Variants in PEX5L observed in about 807,000 individuals in gnomAD.
PEX5L encodes PEX5-related protein.
A neutral mutation model predicts 84.0 loss-of-function variants in PEX5L; 30 were observed. The ratio of observed to expected loss-of-function variants is 0.36; its 90% CI spans 0.27 to 0.48. The LOEUF (loss-of-function observed/expected upper bound fraction) is 0.48, where lower values mean the gene tolerates loss of function less well. PEX5L is among the 20% of genes least tolerant of loss of function. PEX5L has a pLI of 0.99. For synonymous variants in PEX5L, 270 were observed against 283.1 expected, an observed-to-expected ratio of 0.95 and a Z score of 0.46; for missense variants, 533 against 754.6, an observed-to-expected ratio of 0.71 and a Z score of 3.44.
intron 2 of PEX5L, among the ~76,000 whole-genome samples, chr3:179,928,657 C>T (rs879207365): frequency 7.9e-5 from 12 of 152,156 alleles, no homozygotes; most frequent in Admixed American, 2.0e-4. Context: ...CACCTACCAC[C>T]GGAAGCACAG....
intron 1 of PEX5L, among the ~76,000 whole-genome samples, chr3:180,014,926 T>C (rs56408216): frequency 0.013 from 1,951 of 152,352 alleles, 17 homozygotes; most frequent in Non-Finnish European, 0.021. Context: ...GCTTGCTACA[T>C]GTAAACATCA....
At chr3:179,873,682 C>T (rs372169688) in intron 7 of PEX5L, among the ~76,000 whole-genome samples, 1 of 152,104 alleles carries the variant, frequency 6.6e-6, no homozygotes, top group Non-Finnish European at 1.5e-5. Context: ...AGCTGAGTGT[C>T]CCAGGAAAAT....
intron 1 of PEX5L, among the ~76,000 whole-genome samples, chr3:179,978,469 T>C (rs1786017543): frequency 6.6e-6 from 1 of 152,178 alleles, no homozygotes; most frequent in Admixed American, 6.5e-5. Flanking sequence ...AAAGTTAAAA[T>C]AATTTTTACA....
chr3:180,023,916 C>A (rs1315721580), intron 1 of PEX5L, among the ~76,000 whole-genome samples: 1 of 151,934 alleles, frequency 6.6e-6, no homozygotes, highest in Non-Finnish European at 1.5e-5. Flanking sequence ...CCCTTCAAAG[C>A]CATGCCTATG....
chr3:179,884,581 G>A (rs187320120), intron 4 of PEX5L, among the ~76,000 whole-genome samples: 4 of 152,268 alleles, frequency 2.6e-5, no homozygotes, highest in African/African-American at 7.2e-5. Context: ...TAATTGTTAC[G>A]GTGACAATAG....
intron 9 of PEX5L, among the ~76,000 whole-genome samples, chr3:179,816,655 G>A (rs1315337425): frequency 6.6e-6 from 1 of 152,120 alleles, no homozygotes; most frequent in Non-Finnish European, 1.5e-5. Context: ...GTTGATGGCT[G>A]CAGCAAACCA....
At chr3:180,000,262 G>A (rs1788273420) in intron 1 of PEX5L, among the ~76,000 whole-genome samples, 1 of 152,180 alleles carries the variant, frequency 6.6e-6, no homozygotes, top group African/African-American at 2.4e-5. Context: ...GCTAAGAATG[G>A]AGTTACAGTG....
At chr3:179,884,916 C>T (rs1405944814) in intron 4 of PEX5L, among the ~76,000 whole-genome samples, 1 of 151,778 alleles carries the variant, frequency 6.6e-6, no homozygotes, top group African/African-American at 2.4e-5. Context: ...TTTTAGGGTT[C>T]ATAGAGAAAA....
intron 8 of PEX5L, among the ~76,000 whole-genome samples, chr3:179,822,607 A>G (rs1357438223): frequency 6.6e-6 from 1 of 152,238 alleles, no homozygotes; most frequent in Non-Finnish European, 1.5e-5. Context: ...GCTTCCTCTC[A>G]CTATTTTAAA....
intron 1 of PEX5L, among the ~76,000 whole-genome samples, chr3:180,025,821 A>C (rs1790898254): frequency 6.6e-6 from 1 of 152,238 alleles, no homozygotes; most frequent in South Asian, 2.1e-4. Context: ...CTCTATAAAA[A>C]CATAAGAGCT....
intron 2 of PEX5L, among the ~76,000 whole-genome samples, chr3:179,941,893 C>A (rs1178688354): frequency 6.6e-6 from 1 of 151,430 alleles, no homozygotes; most frequent in African/African-American, 2.4e-5. Context: ...TGGTGGTGGG[C>A]GCCTGTAATC....
Position 180,036,571 on chromosome 3 carries a change from T to A in PEX5L, c.21+8A>T, listed in dbSNP as rs1791928120. ...AGAATTCTCTCCAGCCCTATAGAAATGTCTTACCTGCATGTGTCCCTGGTA... is the reference window on the plus strand; with the variant it reads ...AGAATTCTCTCCAGCCCTATAGAAAAGTCTTACCTGCATGTGTCCCTGGTA... On this transcript the variant is annotated splice_region_variant and intron_variant, in intron 1 of 14. Coordinates refer to ENST00000467460, the MANE Select transcript of PEX5L (RefSeq NM_016559.3). 8 of 1,613,478 alleles carry A rather than the reference T, an allele frequency of 5.0e-6. No homozygotes were observed. Among genetic ancestry groups the A allele is most frequent in the Non-Finnish European group, 6.8e-6 (8 of 1,179,428 alleles).
intron 2 of PEX5L, among the ~76,000 whole-genome samples, chr3:179,941,650 C>A (rs948974201): frequency 6.6e-6 from 1 of 152,122 alleles, no homozygotes; most frequent in African/African-American, 2.4e-5. Context: ...ATTGATTAAC[C>A]TGGTAGAAAA....
intron 2 of PEX5L, among the ~76,000 whole-genome samples, chr3:179,923,711 TTATTTCTC>T (rs1770554842): frequency 6.6e-6 from 1 of 152,338 alleles, no homozygotes; most frequent in African/African-American, 2.4e-5. Flanking sequence ...GATAATTTCT[TTATTTCTC>T]TATTTCCTCA....
intron 2 of PEX5L, among the ~76,000 whole-genome samples, chr3:179,903,959 G>A (rs563759359): frequency 5.3e-5 from 8 of 152,312 alleles, no homozygotes; most frequent in African/African-American, 1.9e-4. Flanking sequence ...AAACAACTGG[G>A]AAGCATGGAC....
At position 179,880,140 on chromosome 3, in the gene PEX5L, A is replaced by C; in HGVS notation, c.311-17T>G. ...TGGTCAATACTACCAGAAATGGAAGAGGTTAAGATAAGCCCATTTACTACT... is the reference window on the plus strand; with the variant it reads ...TGGTCAATACTACCAGAAATGGAAGCGGTTAAGATAAGCCCATTTACTACT... On this transcript the variant is annotated splice_polypyrimidine_tract_variant and intron_variant, in intron 4 of 14. Transcript: ENST00000467460. 1.3e-6 allele frequency: 2 copies of C among 1,521,680 alleles called. No individual in the cohort carries two copies. The highest frequency in any genetic ancestry group is 1.8e-6 in the Non-Finnish European group (2 of 1,121,152). 94.3% of individuals were successfully genotyped at this position (1,521,680 alleles called of 1,614,324 possible).
At chr3:179,979,418 T>C (rs1427643915) in intron 1 of PEX5L, among the ~76,000 whole-genome samples, 1 of 152,236 alleles carries the variant, frequency 6.6e-6, no homozygotes, top group African/African-American at 2.4e-5. Context: ...GGGCTGAAGA[T>C]AATGATGATT....
rs562498976 is a variant in PEX5L at position 179,933,696 on chromosome 3, GGAGA to G, written c.94-35454_94-35451del. 1.5e-3 allele frequency among the ~76,000 whole-genome samples: 221 copies of G among 152,318 alleles called. 1 individual carries two copies. Among genetic ancestry groups the G allele is most frequent in the African/African-American group, 5.2e-3 (215 of 41,570 alleles). ...GTTTTTGGTGACAAGTGAGTGATGGGGAGAGAGGCAGGAGCTCCATTAACATTTG... is the reference window on the plus strand; with the variant it reads ...GTTTTTGGTGACAAGTGAGTGATGGGGAGGCAGGAGCTCCATTAACATTTG... On this transcript the variant is annotated intron_variant, in intron 2 of 14. Transcript: ENST00000467460.
At position 179,798,392 on chromosome 3, in the gene PEX5L, G is replaced by T. The variant is rs1159247309; in HGVS notation, c.*3436C>A. ...GTAAAGGGAATGAATCAGTATGATT[G>T]GCCCAGTGAGAGGGATTTTTATTCC... is the stretch of plus-strand genomic sequence containing the variant. On this transcript the variant is annotated 3_prime_UTR_variant, in exon 15 of 15. Transcript: ENST00000467460. The T allele has an allele frequency of 6.6e-6, 1 of 152,160 alleles. No individual in the cohort carries two copies. The highest frequency in any genetic ancestry group is 2.4e-5 in the African/African-American group (1 of 41,428). 9.4% of individuals were successfully genotyped at this position (152,160 alleles called of 1,614,324 possible).
Sources: gnomAD v4.1 joint callset for allele counts (sites outside exome capture counted in the v4.1 genomes callset) on GRCh38, gnomAD v4.1.1 for gene constraint, MANE v1.5 for transcripts, NCBI Gene and HGNC (gene_info 2026-07-23, HGNC 2026-07-21) for gene names.